The following SPDYA variants were observed in gnomAD, a reference collection of about 807,000 sequenced individuals.
SPDYA encodes the protein speedy protein A.
Under a neutral mutation model 36.7 loss-of-function variants are expected in SPDYA, and 11 were observed. The observed-to-expected ratio is 0.30, with a 90% confidence interval of 0.19 to 0.50. The LOEUF is 0.50. Ranked by LOEUF, SPDYA falls within the 20% of genes least tolerant of loss-of-function variation. SPDYA has a pLI of 0.98. For missense variants in SPDYA, 287 were observed against 370.9 expected, an observed-to-expected ratio of 0.77 and a Z score of 1.86; for synonymous variants, 115 against 118.7, an observed-to-expected ratio of 0.97 and a Z score of 0.20.
intron 5 of SPDYA, among the ~76,000 whole-genome samples, chr2:28,823,347 G>C (rs1256812915): frequency 6.6e-6 from 1 of 152,046 alleles, no homozygotes; most frequent in Non-Finnish European, 1.5e-5. Flanking sequence ...TTCTGGCCAG[G>C]CACGGTGGCT....
chr2:28,815,592 T>C (rs969337802), intron 2 of SPDYA, among the ~76,000 whole-genome samples: 1 of 151,952 alleles, frequency 6.6e-6, no homozygotes, highest in Non-Finnish European at 1.5e-5. Flanking sequence ...TATAAAAAAT[T>C]TGAGGTGGCA....
intron 7 of SPDYA, among the ~76,000 whole-genome samples, chr2:28,845,974 T>A (rs1668863151): frequency 6.6e-6 from 1 of 152,254 alleles, no homozygotes; most frequent in Non-Finnish European, 1.5e-5. Flanking sequence ...ACCTTTTACA[T>A]GACCATAGAA....
At chr2:28,813,027 A>G (rs1162572318) in intron 1 of SPDYA, among the ~76,000 whole-genome samples, 2 of 152,068 alleles carry the variant, frequency 1.3e-5, no homozygotes, top group East Asian at 3.8e-4. Flanking sequence ...CTCTTAGTAT[A>G]TCTAAGTGAA....
At chr2:28,843,150 A>G (rs1284153089) in intron 7 of SPDYA, among the ~76,000 whole-genome samples, 1 of 152,214 alleles carries the variant, frequency 6.6e-6, no homozygotes, top group African/African-American at 2.4e-5. Context: ...TTTTTGTTAA[A>G]AACAACACAT....
intron 6 of SPDYA, among the ~76,000 whole-genome samples, chr2:28,832,137 T>G (rs980826962): frequency 6.6e-6 from 1 of 152,250 alleles, no homozygotes; most frequent in Non-Finnish European, 1.5e-5. Flanking sequence ...TCTCTACTTC[T>G]GTTCTTTCCA....
chr2:28,847,899 T>C (rs1381474662), intron 7 of SPDYA, among the ~76,000 whole-genome samples: 1 of 152,166 alleles, frequency 6.6e-6, no homozygotes, highest in Non-Finnish European at 1.5e-5. Flanking sequence ...ATACTTACCA[T>C]TGTCTTATAA....
intron 5 of SPDYA, 66 bp downstream of exon 5, chr2:28,822,476 CAG>C: frequency 1.3e-6 from 1 of 792,192 alleles, no homozygotes; most frequent in Non-Finnish European, 1.9e-6. Context: ...TTATTTAAAA[CAG>C]AGGCTATTTA....
intron 1 of SPDYA, among the ~76,000 whole-genome samples, chr2:28,813,481 C>T (rs1394919514): frequency 3.3e-5 from 5 of 152,028 alleles, no homozygotes; most frequent in Admixed American, 6.6e-5. Flanking sequence ...TTCTTAGCCA[C>T]GGTACTATAC....
At chr2:28,813,768 T>A (rs931573519) in intron 1 of SPDYA, among the ~76,000 whole-genome samples, 5 of 152,120 alleles carry the variant, frequency 3.3e-5, no homozygotes, top group African/African-American at 1.2e-4. Context: ...GTCAGGCTGG[T>A]CTCAAACTCC....
chr2:28,850,044 A>T lies in SPDYA; in HGVS notation c.*103A>T. On this transcript the variant is annotated 3_prime_UTR_variant, in exon 8 of 8. Transcript: ENST00000334056. ...TGTTTAAGCAGTTTTGCTATGTTAT[A>T]CATCTTTTAGTTGTTATTTTCAAAA... 8.5e-7 allele frequency: 1 copy of T among 1,179,332 alleles called. No homozygotes were observed. The highest frequency in any genetic ancestry group is 2.4e-5 in the East Asian group (1 of 41,600). 73.1% of individuals were successfully genotyped at this position (1,179,332 alleles called of 1,614,324 possible).
At chr2:28,846,772 C>CA (rs1177605769) in intron 7 of SPDYA, among the ~76,000 whole-genome samples, 3 of 134,872 alleles carry the variant, frequency 2.2e-5, no homozygotes, top group African/African-American at 5.5e-5. Flanking sequence ...CACACACACA[C>CA]AAAGGGAAGT....
intron 4 of SPDYA, among the ~76,000 whole-genome samples, chr2:28,822,018 A>G (rs1668182262): frequency 6.6e-6 from 1 of 152,178 alleles, no homozygotes; most frequent in Admixed American, 6.5e-5. Flanking sequence ...TTTTGCTGTT[A>G]TTTCAGTTTC....
rs181198122 is a variant in SPDYA at position 28,819,881 on chromosome 2, T to A, written c.294+775T>A. ...ATATATATATATATATATATATATA[T>A]ATATATATATATATATATATATTTT... On this transcript the variant is annotated intron_variant, in intron 4 of 7. Transcript: ENST00000334056. Among the ~76,000 whole-genome samples, 152 of 48,048 alleles carry A rather than the reference T, an allele frequency of 3.2e-3. 22 individuals are homozygous for A. The highest frequency in any genetic ancestry group is 4.7e-3 in the Non-Finnish European group (112 of 23,802). 31.5% of individuals were successfully genotyped at this position (48,048 alleles called of 152,430 possible).
At chr2:28,820,961 A>G (rs963001660) in intron 4 of SPDYA, among the ~76,000 whole-genome samples, 19 of 152,188 alleles carry the variant, frequency 1.2e-4, no homozygotes, top group African/African-American at 3.1e-4. Flanking sequence ...GCTACAATAG[A>G]TCAACTGTGG....
rs1370766539 is a variant in SPDYA, at chr2:28,823,736, TATATATATAA to T, written c.380+1328_380+1337del. On this transcript the variant is annotated intron_variant, in intron 5 of 7. Transcript: ENST00000334056. ...ATATATATATATATATATATATATATATATATATAAAATTTTTTTTTTTTTTTGAGATGGA... is the reference window on the plus strand; with the variant it reads ...ATATATATATATATATATATATATATAATTTTTTTTTTTTTTTGAGATGGA... 3.4e-4 allele frequency among the ~76,000 whole-genome samples: 28 copies of T among 83,010 alleles called. 2 individuals are homozygous for T. Among genetic ancestry groups the T allele is most frequent in the African/African-American group, 1.1e-3 (23 of 20,176 alleles). The allele number at this position is 83,010 out of a possible 152,430, so 54.5% of individuals were successfully genotyped here.
chr2:28,816,687 G>T (rs905354201), intron 3 of SPDYA, among the ~76,000 whole-genome samples: 3 of 152,156 alleles, frequency 2.0e-5, no homozygotes, highest in African/African-American at 7.2e-5. Flanking sequence ...GAAGTTTCAG[G>T]ATAACAGTTT....
chr2:28,826,023 C>T (rs997778475), intron 5 of SPDYA, among the ~76,000 whole-genome samples: 1 of 152,052 alleles, frequency 6.6e-6, no homozygotes, highest in African/African-American at 2.4e-5. Context: ...ATGAGCTGCA[C>T]ACCTGGCCTT....
intron 7 of SPDYA, 59 bp downstream of exon 7, chr2:28,840,528 C>A: frequency 6.4e-7 from 1 of 1,568,110 alleles, no homozygotes; most frequent in South Asian, 1.2e-5. Context: ...GAGCTCTAGT[C>A]AGTCCTTTCT....
chr2:28,842,564 C>T (rs908913319), intron 7 of SPDYA, among the ~76,000 whole-genome samples: 5 of 152,102 alleles, frequency 3.3e-5, no homozygotes, highest in African/African-American at 1.2e-4. Context: ...GAACTGTGTG[C>T]TTTCATCCTT....
Sources: allele counts gnomAD v4.1 joint callset (sites outside exome capture counted in the v4.1 genomes callset), GRCh38; gene constraint gnomAD v4.1.1; transcripts MANE v1.5; gene names NCBI Gene and HGNC (gene_info 2026-07-23, HGNC 2026-07-21).